The following TAF5L variants were observed in gnomAD, a reference collection of about 807,000 sequenced individuals.
TAF5L encodes the protein TATA-box binding protein associated factor 5 like, also known as TAF5-like RNA polymerase II p300/CBP-associated factor-associated factor 65 kDa subunit 5L.
A neutral mutation model predicts 51.3 loss-of-function variants in TAF5L; 7 were observed. The observed-to-expected ratio is 0.14, with a 90% CI of 0.08 to 0.26. The LOEUF is 0.26. TAF5L is among the 10% of genes least tolerant of loss of function. The pLI is 1.00. For missense variants in TAF5L, 575 were observed against 758.9 expected, an observed-to-expected ratio of 0.76 and a Z score of 2.85; for synonymous variants, 291 against 308.1, an observed-to-expected ratio of 0.94 and a Z score of 0.58.
intron 1 of TAF5L, among the ~76,000 whole-genome samples, chr1:229,623,410 T>A (rs1571858374): frequency 1.3e-5 from 2 of 152,340 alleles, no homozygotes; most frequent in East Asian, 1.9e-4. Flanking sequence ...AATCCTTGGT[T>A]CTTCTTACTC....
At chr1:229,619,399 G>T (rs1392243488) in intron 1 of TAF5L, among the ~76,000 whole-genome samples, 1 of 152,152 alleles carries the variant, frequency 6.6e-6, no homozygotes, top group African/African-American at 2.4e-5. Flanking sequence ...GGTGTCCTAA[G>T]AAATAAAATG....
intron 4 of TAF5L, chr1:229,599,693 T>G: frequency 2.4e-6 from 1 of 418,454 alleles, no homozygotes; most frequent in Non-Finnish European, 3.2e-6. Context: ...TTGATGGCCA[T>G]TTGGACTGTT....
intron 3 of TAF5L, chr1:229,607,984 G>A (rs986154225): frequency 1.3e-5 from 2 of 152,082 alleles, no homozygotes; most frequent in African/African-American, 4.8e-5. Context: ...CAGAAATAAA[G>A]TAAGAACTTA....
At chr1:229,595,232 A>G in intron 4 of TAF5L, 138 bp from the exon 5 acceptor site, 1 of 896,406 alleles carries the variant, frequency 1.1e-6, no homozygotes, top group South Asian at 1.8e-5. Flanking sequence ...AGCAAATGAC[A>G]GTGGCCTTGC....
Position 229,602,923 on chromosome 1 carries a change from TAATG to T in TAF5L, c.248-8_248-5del, listed in dbSNP as rs1664441619. On this transcript the variant is annotated splice_polypyrimidine_tract_variant and splice_region_variant and intron_variant, in intron 3 of 4. Coordinates refer to ENST00000258281, the Ensembl canonical transcript of TAF5L. The surrounding 1 kb of genome is among the most constrained non-coding windows in gnomAD (Gnocchi z 4.6). ...TGGCTATGCTGGGAATCAGAATCTA[TAATG>T]AAAGAAAAAGAAGGCTTTATAATCA... is the stretch of plus-strand genomic sequence containing the variant. 6.3e-7 allele frequency: 1 copy of T among 1,579,272 alleles called. No individual in the cohort carries two copies. Among genetic ancestry groups the T allele is most frequent in the Admixed American group, 1.8e-5 (1 of 55,110 alleles).
At chr1:229,613,584 T>C (rs1664867481) in intron 2 of TAF5L, among the ~76,000 whole-genome samples, 1 of 152,182 alleles carries the variant, frequency 6.6e-6, no homozygotes, top group Admixed American at 6.5e-5. Flanking sequence ...TGAGGTGATA[T>C]GTAGGCTGTA....
intron 3 of TAF5L, among the ~76,000 whole-genome samples, chr1:229,604,214 A>G (rs1458478230): frequency 6.0e-5 from 9 of 149,868 alleles, no homozygotes; most frequent in South Asian, 4.2e-4. Context: ...TACAGGGTTT[A>G]AGACTGAGGA....
Position 229,602,907 on chromosome 1 carries a change from T to C in TAF5L, c.260A>G (p.Gln87Arg). ...GAGAGGCATCACTTCGTGGCTATGC[T>C]GGGAATCAGAATCTATAATGAAAGA... The change falls in exon 4 of 5, where the codon CAG becomes CGG. Residue 87 changes from glutamine to arginine, a missense_variant. By Grantham distance (43) the Gln-to-Arg change is conservative (BLOSUM62 1). This residue lies in a region of TAF5L where 380 missense variants were observed against 443.7 expected (regional missense o/e 0.86). Coordinates refer to ENST00000258281, the Ensembl canonical transcript of TAF5L. The surrounding 1 kb of genome is among the most constrained non-coding windows in gnomAD (Gnocchi z 4.6). The C allele has an allele frequency of 6.3e-7, 1 of 1,595,134 alleles. No homozygotes were observed. Among genetic ancestry groups the C allele is most frequent in the Non-Finnish European group, 8.5e-7 (1 of 1,176,266 alleles).
Position 229,602,099 on chromosome 1 carries a change from A to G in TAF5L, c.972+96T>C. ...TGGCTTTAGCTATATGATGAGGGAA[A>G]CTAGGAAGTCCATTCTAAGATATGT... On this transcript the variant is annotated intron_variant, in intron 4 of 4. Transcript: ENST00000258281. This position sits in a 1 kb window ranked among gnomAD's most constrained non-coding sequence, Gnocchi z 4.6. The G allele has an allele frequency of 6.5e-7, 1 of 1,528,222 alleles. No individual in the cohort carries two copies. The highest frequency in any genetic ancestry group is 8.8e-7 in the Non-Finnish European group (1 of 1,139,236). 94.7% of individuals were successfully genotyped at this position (1,528,222 alleles called of 1,614,324 possible).
At position 229,602,007 on chromosome 1, in the gene TAF5L, ATT is replaced by A; in HGVS notation, c.972+186_972+187del. ...TAATAAGAAGTTAATGCTGCTAAAA[ATT>A]GTTTTTGCATCTTAGGTTAGGCATG... On this transcript the variant is annotated intron_variant, in intron 4 of 4. Transcript: ENST00000258281. The surrounding 1 kb of genome is among the most constrained non-coding windows in gnomAD (Gnocchi z 4.6). 1 of 1,423,110 alleles carries A rather than the reference ATT, an allele frequency of 7.0e-7. No individual in the cohort carries two copies. 88.2% of individuals were successfully genotyped at this position (1,423,110 alleles called of 1,614,324 possible). A position where few individuals can be genotyped will look rare whatever the true frequency, so the allele number is the denominator to read the frequency against.
intron 4 of TAF5L, chr1:229,600,199 CTTG>C (rs1664320127): frequency 1.1e-5 from 11 of 985,358 alleles, no homozygotes; most frequent in Non-Finnish European, 1.3e-5. Context: ...TCCCCAAATG[CTTG>C]TTGTCAGAAA....
At chr1:229,621,303 A>ACTT (rs1171020895) in intron 1 of TAF5L, among the ~76,000 whole-genome samples, 2 of 152,224 alleles carry the variant, frequency 1.3e-5, no homozygotes, top group African/African-American at 4.8e-5. Flanking sequence ...TTTGCATAAC[A>ACTT]CTTCTGCTTA....
intron 4 of TAF5L, chr1:229,599,123 G>T: frequency 2.7e-6 from 1 of 372,724 alleles, no homozygotes; most frequent in Non-Finnish European, 3.7e-6. Flanking sequence ...GGACTGCTAT[G>T]TCACTTAACA....
chr1:229,614,747 C>T (rs1664913534), intron 1 of TAF5L, among the ~76,000 whole-genome samples: 1 of 152,168 alleles, frequency 6.6e-6, no homozygotes, highest in South Asian at 2.1e-4. Flanking sequence ...CTTAGATCAC[C>T]CCCAAACTCT....
At chr1:229,616,377 T>TATTTATTATTA (rs1665006144) in intron 1 of TAF5L, among the ~76,000 whole-genome samples, 6 of 151,430 alleles carry the variant, frequency 4.0e-5, no homozygotes, top group Non-Finnish European at 7.4e-5. Context: ...TATTTATATT[T>TATTTATTATTA]TTTTTTTTAG....
chr1:229,612,974 A>G (rs150818807), intron 2 of TAF5L, among the ~76,000 whole-genome samples: 39 of 144,046 alleles, frequency 2.7e-4, no homozygotes, highest in African/African-American at 9.7e-4. Context: ...TAATCACCCT[A>G]AAGTATCCCA....
chr1:229,614,152 G>T, intron 2 of TAF5L, 189 bp downstream of exon 2: 3 of 879,956 alleles, frequency 3.4e-6, no homozygotes, highest in South Asian at 1.5e-5. Context: ...GTGACAATGT[G>T]AGCACCGCTC....
At chr1:229,612,086 C>A (rs900239602) in intron 2 of TAF5L, among the ~76,000 whole-genome samples, 1 of 152,196 alleles carries the variant, frequency 6.6e-6, no homozygotes. Context: ...AGGGTCAAAT[C>A]GTAGCTATCT....
At position 229,594,466 on chromosome 1, in the gene TAF5L, A is replaced by G; in HGVS notation, c.1601T>C (p.Val534Ala). 6.2e-7 allele frequency: 1 copy of G among 1,614,134 alleles called. No homozygotes were observed. The highest frequency in any genetic ancestry group is 8.5e-7 in the Non-Finnish European group (1 of 1,180,022). The change falls in exon 5 of 5, where the codon GTG becomes GCG. Residue 534 changes from valine to alanine, a missense_variant. Transcript: ENST00000258281. The surrounding 1 kb of genome is among the most constrained non-coding windows in gnomAD (Gnocchi z 7.9). Reference sequence around the variant, plus strand: ...AGTGTTCCTGATGTCCCAGACGCGCACCGAGTTGTCCATGGAGGCAGAGGC... The same window carrying G: ...AGTGTTCCTGATGTCCCAGACGCGCGCCGAGTTGTCCATGGAGGCAGAGGC...
Sources: allele counts gnomAD v4.1 joint callset (sites outside exome capture counted in the v4.1 genomes callset), GRCh38; gene constraint gnomAD v4.1.1; regional missense constraint gnomAD v4.1.1; non-coding constraint Gnocchi (gnomAD v3.1); transcripts MANE v1.5; gene names NCBI Gene and HGNC (gene_info 2026-07-23, HGNC 2026-07-21).